The following TOMM34 variants were observed in gnomAD, a reference collection of about 807,000 sequenced individuals.
TOMM34 encodes translocase of outer mitochondrial membrane 34.
Under a neutral mutation model 37.4 loss-of-function variants are expected in TOMM34, and 24 were observed. That is an observed-to-expected ratio of 0.64 (90% CI 0.46 to 0.90). The LOEUF is 0.90. Ranked by LOEUF, TOMM34 falls within the 40% of genes least tolerant of loss-of-function variation. TOMM34 has a pLI of 0.00. For missense variants in TOMM34, 304 were observed against 375.6 expected (o/e 0.81, Z 1.58); for synonymous variants, 154 against 148.9 (o/e 1.03, Z -0.25).
At chr20:44,955,272 T>C (rs1406037850) in intron 2 of TOMM34, 52 bp from the exon 3 acceptor site, 9 of 1,596,480 alleles carry the variant, frequency 5.6e-6, no homozygotes, top group Non-Finnish European at 6.0e-6. Flanking sequence ...CCACCAGGGT[T>C]TCCCTACAGT....
chr20:44,960,351 G>C lies in TOMM34; in HGVS notation c.-18C>G, dbSNP rs780309180. On this transcript the variant is annotated 5_prime_UTR_variant, in exon 1 of 7. Transcript: ENST00000372813. ...GGGGCCATCCCGTGGCCAGGCCGGC[G>C]AGTTGGGAGCTCCTTCCTTCCTCCC... The C allele has an allele frequency of 5.8e-6, 9 of 1,550,674 alleles. No homozygotes were observed. Among genetic ancestry groups the C allele is most frequent in the South Asian group, 2.4e-5 (2 of 83,478 alleles).
Position 44,951,813 on chromosome 20 carries a change from G to A in TOMM34, c.550+20C>T, listed in dbSNP as rs766216017. On this transcript the variant is annotated intron_variant, in intron 4 of 6. Transcript: ENST00000372813. ...GATAGTGGGAGATTGCAAGACTCTG[G>A]GCAGGGAGTCACAGCTCACCTCTGT... 1.9e-6 allele frequency: 3 copies of A among 1,607,680 alleles called. No homozygotes were observed. The highest frequency in any genetic ancestry group is 2.6e-6 in the Non-Finnish European group (3 of 1,176,010).
chr20:44,953,562 A>C (rs181110108), intron 3 of TOMM34, among the ~76,000 whole-genome samples: 7 of 152,072 alleles, frequency 4.6e-5, no homozygotes, highest in African/African-American at 1.7e-4. Context: ...TGACCCTCAA[A>C]TCCTTATGTC....
chr20:44,947,515 T>G (rs1395724756), intron 5 of TOMM34, among the ~76,000 whole-genome samples: 5 of 152,224 alleles, frequency 3.3e-5, no homozygotes, highest in African/African-American at 7.2e-5. Flanking sequence ...TCTTTTTTTT[T>G]TGTGACAGAG....
At chr20:44,949,420 TTCC>T (rs1470232590) in intron 4 of TOMM34, among the ~76,000 whole-genome samples, 1 of 152,216 alleles carries the variant, frequency 6.6e-6, no homozygotes, top group East Asian at 1.9e-4. Flanking sequence ...GAGCCTGCTA[TTCC>T]TCATTTCTGG....
Position 44,960,180 on chromosome 20 carries a change from G to C in TOMM34, c.127+27C>G, listed in dbSNP as rs549225406. 91 of 1,547,676 alleles carry C rather than the reference G, an allele frequency of 5.9e-5. No homozygotes were observed. The African/African-American group carries it at 1.1e-3, about 19-fold the overall frequency. ...TGCGGGAGTTGGAGGAGCAGGCCCG[G>C]AGGTGAGATGGGGGCCGGGGTCGTA... On this transcript the variant is annotated intron_variant, in intron 1 of 6. Coordinates refer to ENST00000372813, the MANE Select transcript of TOMM34 (RefSeq NM_006809.5).
In TOMM34 at chr20:44,943,075, G is replaced by A. The variant is rs758352100; in HGVS notation, c.*34C>T. On this transcript the variant is annotated 3_prime_UTR_variant, in exon 7 of 7. Coordinates refer to ENST00000372813, the MANE Select transcript of TOMM34 (RefSeq NM_006809.5). ...GTGGCCCATGGCTTCTCTGGGTAAGGTCAGGCAGGGGTTCCAGTTGCCCTG... is the reference window on the plus strand; with the variant it reads ...GTGGCCCATGGCTTCTCTGGGTAAGATCAGGCAGGGGTTCCAGTTGCCCTG... The A allele has an allele frequency of 6.2e-7, 1 of 1,608,370 alleles. No homozygotes were observed. Among genetic ancestry groups the A allele is most frequent in the Non-Finnish European group, 8.5e-7 (1 of 1,175,396 alleles).
chr20:44,958,469 G>A, intron 1 of TOMM34: 2 of 458,718 alleles, frequency 4.4e-6, no homozygotes, highest in Non-Finnish European at 9.1e-6. Context: ...CGGTGGAAAG[G>A]GCATCAACCC....
chr20:44,955,018 A>G (rs1282653038), intron 3 of TOMM34, 50 bp downstream of exon 3: 2 of 1,598,940 alleles, frequency 1.3e-6, no homozygotes, highest in African/African-American at 1.3e-5. Context: ...CAGCCAATCA[A>G]GAAGGACAGG....
At position 44,956,502 on chromosome 20, in the gene TOMM34, G is replaced by A. The variant is rs754881995; in HGVS notation, c.128-17C>T. ...CTGAAGAACCTGCCCAGATAGAGTG[G>A]GGAAGATGATCAGTTTGGAAAATGG... On this transcript the variant is annotated splice_polypyrimidine_tract_variant and intron_variant, in intron 1 of 6. Transcript: ENST00000372813. 1.9e-6 allele frequency: 3 copies of A among 1,613,446 alleles called. No homozygotes were observed. The highest frequency in any genetic ancestry group is 1.3e-5 in the African/African-American group (1 of 74,892).
In TOMM34 at chr20:44,943,548, T is replaced by A; in HGVS notation, c.730A>T (p.Thr244Ser). The change falls in exon 6 of 7, where the codon ACA (threonine) becomes TCA (serine). Residue 244 changes from threonine to serine, a missense_variant. By Grantham distance (58) the Thr-to-Ser change is moderately conservative. Coordinates refer to ENST00000372813, the MANE Select transcript of TOMM34 (RefSeq NM_006809.5). ...ALCYLVLKQY[T>S]EAVKDCTEAL... is the part of the protein sequence containing the mutation. ...TCTGTGCAGTCCTTCACTGCTTCTGTGTACTGCTTCAGGACCAAATAGCAG... is the reference window on the plus strand; with the variant it reads ...TCTGTGCAGTCCTTCACTGCTTCTGAGTACTGCTTCAGGACCAAATAGCAG... 6.2e-7 allele frequency: 1 copy of A among 1,614,216 alleles called. No individual in the cohort carries two copies. The highest frequency in any genetic ancestry group is 1.3e-5 in the African/African-American group (1 of 75,060).
Position 44,960,216 on chromosome 20 carries a change from G to A in TOMM34, c.118C>T (p.Gln40Ter). The A allele has an allele frequency of 1.9e-6, 3 of 1,558,872 alleles. No homozygotes were observed. Among genetic ancestry groups the A allele is most frequent in the Non-Finnish European group, 1.7e-6 (2 of 1,152,646 alleles). The change falls in exon 1 of 7, where the codon CAG becomes TAG. Residue 40 changes from glutamine to a stop codon, truncating the protein, a stop_gained. Transcript: ENST00000372813. LOFTEE classifies it high-confidence loss of function. ...ALYGRALRVL[Q>*]AQGSSDPEEE... is the part of the protein sequence containing the mutation. The stretch of plus-strand genomic sequence containing the variant: ...GGGGCCGGGGTCGTACCTTGCGCCT[G>A]CAGCACCCGCAGCGCGCGGCCGTAG...
chr20:44,949,779 T>C (rs952013722), intron 4 of TOMM34, among the ~76,000 whole-genome samples: 2 of 152,206 alleles, frequency 1.3e-5, no homozygotes, highest in African/African-American at 2.4e-5. Flanking sequence ...GAGGAAACTA[T>C]TATCCCCAAT....
intron 1 of TOMM34, among the ~76,000 whole-genome samples, chr20:44,957,567 T>C (rs2067085094): frequency 6.6e-6 from 1 of 152,152 alleles, no homozygotes; most frequent in South Asian, 2.1e-4. Flanking sequence ...CAGGGTCTCT[T>C]TTTGAAAATT....
At chr20:44,958,193 AT>A (rs2067093756) in intron 1 of TOMM34, 2 of 372,676 alleles carry the variant, frequency 5.4e-6, no homozygotes, top group Admixed American at 3.4e-5. Flanking sequence ...TTTTATGTCT[AT>A]TAAAGCATTT....
intron 2 of TOMM34, chr20:44,955,520 T>A (rs558614040): frequency 2.7e-5 from 14 of 513,546 alleles, no homozygotes; most frequent in Middle Eastern, 2.9e-4. Flanking sequence ...CATGCTACTA[T>A]GTTTTTTTAC....
At chr20:44,950,339 G>A (rs1291674985) in intron 4 of TOMM34, among the ~76,000 whole-genome samples, 1 of 152,034 alleles carries the variant, frequency 6.6e-6, no homozygotes, top group African/African-American at 2.4e-5. Context: ...GTCTTTCCCC[G>A]ACTCCCTCAT....
At chr20:44,952,469 ATG>A (rs1242487718) in intron 3 of TOMM34, among the ~76,000 whole-genome samples, 41 of 152,196 alleles carry the variant, frequency 2.7e-4, no homozygotes, top group African/African-American at 9.2e-4. Flanking sequence ...CTAATGTGGC[ATG>A]TGAGATCTGG....
intron 1 of TOMM34, chr20:44,959,824 A>G: frequency 3.1e-6 from 2 of 642,844 alleles, no homozygotes; most frequent in Non-Finnish European, 3.9e-6. Context: ...TGACTCGCTT[A>G]AGACTCACGT....
Sources: gnomAD v4.1 joint callset for allele counts (sites outside exome capture counted in the v4.1 genomes callset) on GRCh38, gnomAD v4.1.1 for gene constraint, MANE v1.5 for transcripts, NCBI Gene and HGNC (gene_info 2026-07-23, HGNC 2026-07-21) for gene names.